The following LARGE1 variants were observed in gnomAD, a reference collection of about 807,000 sequenced individuals.
LARGE1 encodes the protein xylosyl- and glucuronyltransferase LARGE1.
In LARGE1, 43 loss-of-function variants were observed where a neutral mutation model predicts 87.6. That is an observed-to-expected ratio of 0.49 (90% confidence interval 0.38 to 0.63). LARGE1 has a LOEUF of 0.63. Ranked by LOEUF, LARGE1 falls within the 30% of genes least tolerant of loss-of-function variation. The pLI is 0.00. For missense variants in LARGE1, 802 were observed against 1,000.2 expected, an observed-to-expected ratio of 0.80 and a Z score of 2.67; for synonymous variants, 434 against 394.6, an observed-to-expected ratio of 1.10 and a Z score of -1.18.
At chr22:33,476,745 G>A (rs1373374082) in intron 6 of LARGE1, among the ~76,000 whole-genome samples, 1 of 148,522 alleles carries the variant, frequency 6.7e-6, no homozygotes, top group African/African-American at 2.5e-5. Context: ...ACACCCAAAA[G>A]GTGCTCTCCA....
intron 6 of LARGE1, among the ~76,000 whole-genome samples, chr22:33,438,199 C>G (rs907233059): frequency 1.3e-5 from 2 of 152,130 alleles, no homozygotes; most frequent in African/African-American, 4.8e-5. Context: ...ATGGTGCAAA[C>G]ACATCTTCAG....
chr22:33,168,084 C>T (rs745597850), intron 11 of LARGE1, among the ~76,000 whole-genome samples: 13 of 152,272 alleles, frequency 8.5e-5, no homozygotes, highest in East Asian at 1.9e-4. Context: ...CTTTCTGGCA[C>T]GCCTAGCTGT....
At chr22:33,588,099 C>G (rs2078730373) in intron 5 of LARGE1, among the ~76,000 whole-genome samples, 1 of 152,084 alleles carries the variant, frequency 6.6e-6, no homozygotes, top group Non-Finnish European at 1.5e-5. Context: ...AAATTCTTAC[C>G]AAGACTTCTT....
the LARGE1 span, among the ~76,000 whole-genome samples, chr22:33,142,192 G>A: frequency 6.6e-6 from 1 of 152,196 alleles, no homozygotes; most frequent in Admixed American, 6.5e-5. Flanking sequence ...TACTTTCTGT[G>A]TTTGCAGCCT....
intron 1 of LARGE1, among the ~76,000 whole-genome samples, chr22:33,827,801 C>G (rs2062843702): frequency 6.6e-6 from 1 of 152,172 alleles, no homozygotes; most frequent in East Asian, 1.9e-4. Context: ...ACCTGGAGAG[C>G]TTTGTTCAAA....
chr22:33,581,017 A>G (rs1031334280), intron 5 of LARGE1, among the ~76,000 whole-genome samples: 2 of 152,246 alleles, frequency 1.3e-5, no homozygotes, highest in South Asian at 4.1e-4. Flanking sequence ...GACAAAAGTA[A>G]TAAGAATGCA....
At chr22:33,383,663 ATTCT>A (rs1307963046) in intron 8 of LARGE1, among the ~76,000 whole-genome samples, 2 of 152,194 alleles carry the variant, frequency 1.3e-5, no homozygotes, top group Non-Finnish European at 2.9e-5. Context: ...CTTGCAGTTT[ATTCT>A]TTCTATTTAA....
chr22:33,457,645 G>A (rs1205687321), intron 6 of LARGE1, among the ~76,000 whole-genome samples: 1 of 152,076 alleles, frequency 6.6e-6, no homozygotes, highest in Non-Finnish European at 1.5e-5. Context: ...ACAAAAAAGT[G>A]TACAAAAAAG....
intron 1 of LARGE1, among the ~76,000 whole-genome samples, chr22:33,767,465 A>G (rs2084942426): frequency 6.7e-6 from 1 of 148,492 alleles, no homozygotes; most frequent in South Asian, 2.1e-4. Context: ...TTTAATATAT[A>G]TACATATATA....
At chr22:33,357,947 T>C (rs1042204839) in intron 9 of LARGE1, among the ~76,000 whole-genome samples, 7 of 152,178 alleles carry the variant, frequency 4.6e-5, no homozygotes, top group Non-Finnish European at 1.0e-4. Context: ...GTTCCTAGTT[T>C]TTCAGATGAA....
At chr22:33,635,939 G>C (rs2080253891) in intron 3 of LARGE1, among the ~76,000 whole-genome samples, 1 of 152,162 alleles carries the variant, frequency 6.6e-6, no homozygotes, top group Non-Finnish European at 1.5e-5. Flanking sequence ...CAAGCCTTCA[G>C]GGCTCAGCGA....
At chr22:33,520,295 T>C (rs189320782) in intron 6 of LARGE1, among the ~76,000 whole-genome samples, 5 of 152,200 alleles carry the variant, frequency 3.3e-5, no homozygotes, top group Admixed American at 2.6e-4. Context: ...AGGCTGGTTT[T>C]GAAACCCTGG....
At chr22:33,123,018 C>T in the LARGE1 span, among the ~76,000 whole-genome samples, 20 of 152,044 alleles carry the variant, frequency 1.3e-4, no homozygotes, top group Admixed American at 1.2e-3. Context: ...GGAGTGGAAT[C>T]CTGTGCTAGA....
intron 11 of LARGE1, among the ~76,000 whole-genome samples, chr22:33,171,142 T>A (rs1764483631): frequency 6.6e-6 from 1 of 152,112 alleles, no homozygotes; most frequent in South Asian, 2.1e-4. Flanking sequence ...AGTGAGATAA[T>A]TTAGGGTGTC....
chr22:33,852,755 C>T (rs1026401359), intron 1 of LARGE1, among the ~76,000 whole-genome samples: 19 of 148,504 alleles, frequency 1.3e-4, no homozygotes, highest in African/African-American at 4.4e-4. Context: ...ACTTGGGAGG[C>T]TGAGGCAGGA....
At chr22:33,248,769 C>T (rs926020823) in intron 11 of LARGE1, among the ~76,000 whole-genome samples, 1 of 152,204 alleles carries the variant, frequency 6.6e-6, no homozygotes, top group Non-Finnish European at 1.5e-5. Flanking sequence ...CACAGTTTTG[C>T]CTTTTCCAGA....
chr22:33,073,550 TGCTCTA>T, the LARGE1 span, among the ~76,000 whole-genome samples: 1 of 152,180 alleles, frequency 6.6e-6, no homozygotes, highest in Admixed American at 6.5e-5. Context: ...ACCTCTTAGA[TGCTCTA>T]GAGCCCACCC....
chr22:33,479,245 G>T (rs1419514797), intron 6 of LARGE1, among the ~76,000 whole-genome samples: 1 of 152,148 alleles, frequency 6.6e-6, no homozygotes, highest in Non-Finnish European at 1.5e-5. Context: ...TCCCCTATTA[G>T]ACCCTCTGCT....
At chr22:33,770,344 G>A (rs960846036) in intron 1 of LARGE1, among the ~76,000 whole-genome samples, 4 of 152,214 alleles carry the variant, frequency 2.6e-5, no homozygotes, top group Non-Finnish European at 4.4e-5. Context: ...GCATTGCACT[G>A]ATAACGTATG....
Sources: gnomAD v4.1 joint callset for allele counts (sites outside exome capture counted in the v4.1 genomes callset) on GRCh38, gnomAD v4.1.1 for gene constraint, MANE v1.5 for transcripts, NCBI Gene and HGNC (gene_info 2026-07-23, HGNC 2026-07-21) for gene names.